The following JARID2 variants were observed in gnomAD, a reference collection of about 807,000 sequenced individuals.
JARID2 encodes protein Jumonji.
JARID2 carries 21 observed loss-of-function variants against 125.6 expected under a neutral mutation model. The ratio of observed to expected loss-of-function variants is 0.17; its 90% CI spans 0.12 to 0.24. The LOEUF (loss-of-function observed/expected upper bound fraction) is 0.24. Ranked by LOEUF, JARID2 falls within the 10% of genes least tolerant of loss-of-function variation. The probability of loss-of-function intolerance (pLI) is 1.00; values close to 1 mark genes in which losing one functional copy is unlikely to be tolerated. For missense variants in JARID2, 1,303 were observed against 1,639.6 expected, an observed-to-expected ratio of 0.79 and a Z score of 3.55; for synonymous variants, 736 against 661.6, an observed-to-expected ratio of 1.11 and a Z score of -1.73.
chr6:15,447,579 C>T (rs1767729781), intron 3 of JARID2, among the ~76,000 whole-genome samples: 1 of 152,182 alleles, frequency 6.6e-6, no homozygotes, highest in Non-Finnish European at 1.5e-5. Flanking sequence ...CCCAGGAACC[C>T]CGTGCTCTCT....
chr6:15,272,098 C>T (rs1171621538), intron 1 of JARID2, among the ~76,000 whole-genome samples: 1 of 152,196 alleles, frequency 6.6e-6, no homozygotes, highest in Non-Finnish European at 1.5e-5. Context: ...GCACTCCAGC[C>T]TGGGCAACAG....
At chr6:15,255,637 G>A (rs1156327345) in intron 1 of JARID2, among the ~76,000 whole-genome samples, 1 of 152,140 alleles carries the variant, frequency 6.6e-6, no homozygotes, top group Non-Finnish European at 1.5e-5. Context: ...TGTATTATCT[G>A]TTGGTTCTCT....
chr6:15,357,356 C>T (rs1763637802), intron 1 of JARID2, among the ~76,000 whole-genome samples: 1 of 152,206 alleles, frequency 6.6e-6, no homozygotes, highest in Non-Finnish European at 1.5e-5. Flanking sequence ...GTTTCTGAGG[C>T]AAATGTGCCC....
At chr6:15,306,490 C>T (rs942997691) in intron 1 of JARID2, among the ~76,000 whole-genome samples, 6 of 151,718 alleles carry the variant, frequency 4.0e-5, no homozygotes, top group East Asian at 1.9e-4. Context: ...GCCTGCCACA[C>T]GCCCAGCTAA....
intron 2 of JARID2, among the ~76,000 whole-genome samples, chr6:15,385,785 C>G (rs1036022533): frequency 2.6e-5 from 4 of 152,120 alleles, no homozygotes; most frequent in African/African-American, 7.2e-5. Flanking sequence ...GTTCAGGGGA[C>G]TGAGAGTCTG....
chr6:15,432,451 AC>A (rs1767007286), intron 3 of JARID2, among the ~76,000 whole-genome samples: 1 of 3,970 alleles, frequency 2.5e-4, no homozygotes. Context: ...ACCTTCAAAA[AC>A]AACAACAACA....
At chr6:15,487,916 G>T (rs1769960931) in intron 6 of JARID2, among the ~76,000 whole-genome samples, 1 of 150,556 alleles carries the variant, frequency 6.6e-6, no homozygotes, top group Non-Finnish European at 1.5e-5. Flanking sequence ...TCTGTTAATG[G>T]ATGATCCTGG....
intron 1 of JARID2, chr6:15,368,701 C>T (rs1419965234): frequency 2.0e-6 from 1 of 501,002 alleles, no homozygotes; most frequent in Non-Finnish European, 4.0e-6. Context: ...TCTTTGATCA[C>T]TGAAGAGGAG....
At chr6:15,272,005 C>T (rs541404795) in intron 1 of JARID2, among the ~76,000 whole-genome samples, 37 of 151,852 alleles carry the variant, frequency 2.4e-4, no homozygotes, top group Non-Finnish European at 4.0e-4. Flanking sequence ...CGCCTGTAGT[C>T]CCACCTACTC....
intron 8 of JARID2, among the ~76,000 whole-genome samples, chr6:15,502,026 C>T (rs1005812592): frequency 1.3e-5 from 2 of 152,236 alleles, no homozygotes; most frequent in African/African-American, 4.8e-5. Flanking sequence ...TTGCCAGGTC[C>T]TCTCTGTGGA....
intron 1 of JARID2, among the ~76,000 whole-genome samples, chr6:15,335,494 A>G: frequency 6.6e-6 from 1 of 152,082 alleles, no homozygotes; most frequent in East Asian, 1.9e-4. Flanking sequence ...AGAACTTCAC[A>G]TTTGACAGGT....
chr6:15,391,351 A>C (rs1292423114), intron 2 of JARID2, among the ~76,000 whole-genome samples: 1 of 152,100 alleles, frequency 6.6e-6, no homozygotes, highest in African/African-American at 2.4e-5. Context: ...TACCCCACAG[A>C]CTATTGGGTT....
chr6:15,282,748 T>C (rs181985151), intron 1 of JARID2, among the ~76,000 whole-genome samples: 2 of 151,804 alleles, frequency 1.3e-5, no homozygotes, highest in African/African-American at 4.8e-5. Flanking sequence ...ATTACAGGCA[T>C]GCGCCACCAT....
At chr6:15,394,836 A>G (rs1247013448) in intron 2 of JARID2, among the ~76,000 whole-genome samples, 1 of 152,184 alleles carries the variant, frequency 6.6e-6, no homozygotes, top group Non-Finnish European at 1.5e-5. Flanking sequence ...CCACACATGC[A>G]GGACTCAACC....
At chr6:15,507,608 AG>A (rs1771071758) in intron 11 of JARID2, among the ~76,000 whole-genome samples, 192 bp downstream of exon 11, 1 of 152,234 alleles carries the variant, frequency 6.6e-6, no homozygotes, top group South Asian at 2.1e-4. Flanking sequence ...TCAGTAGAAA[AG>A]GTGGAAAGGT....
chr6:15,332,903 C>G (rs1762754305), intron 1 of JARID2, among the ~76,000 whole-genome samples: 1 of 150,716 alleles, frequency 6.6e-6, no homozygotes, highest in Non-Finnish European at 1.5e-5. Flanking sequence ...ATCCTCACAC[C>G]ATAAAATTTA....
chr6:15,389,528 G>T (rs1372316532), intron 2 of JARID2, among the ~76,000 whole-genome samples: 4 of 152,168 alleles, frequency 2.6e-5, no homozygotes, highest in African/African-American at 4.8e-5. Context: ...GTTCCCTAGG[G>T]GCTCCCCCAG....
intron 2 of JARID2, among the ~76,000 whole-genome samples, chr6:15,380,335 G>A (rs907404000): frequency 1.1e-4 from 16 of 152,070 alleles, no homozygotes; most frequent in Admixed American, 3.9e-4. Flanking sequence ...GTGCCTGGCC[G>A]TCAGTAAGTG....
At chr6:15,321,089 A>G (rs1762339752) in intron 1 of JARID2, among the ~76,000 whole-genome samples, 3 of 152,076 alleles carry the variant, frequency 2.0e-5, no homozygotes, top group Non-Finnish European at 4.4e-5. Flanking sequence ...AATGCCAGGA[A>G]CTTAAAAGAA....
Sources: gnomAD v4.1 joint callset for allele counts (sites outside exome capture counted in the v4.1 genomes callset) on GRCh38, gnomAD v4.1.1 for gene constraint, MANE v1.5 for transcripts, NCBI Gene and HGNC (gene_info 2026-07-23, HGNC 2026-07-21) for gene names.